The following TBC1D1 variants were observed in gnomAD, a reference collection of about 807,000 sequenced individuals.
TBC1D1 encodes the protein TBC1 (tre-2/USP6, BUB2, cdc16) domain family, member 1.
A neutral mutation model predicts 125.6 loss-of-function variants in TBC1D1; 89 were observed. The ratio of observed to expected loss-of-function variants is 0.71; its 90% confidence interval spans 0.60 to 0.85. The LOEUF is 0.85. Among genes scored for constraint, TBC1D1 ranks in the 40% least tolerant of loss-of-function variants. The pLI, the probability that TBC1D1 is intolerant of heterozygous loss-of-function variation, is 0.00. For synonymous variants in TBC1D1, 565 were observed against 564.1 expected (o/e 1.00, Z -0.02); for missense variants, 1,377 against 1,469.2 (o/e 0.94, Z 1.03).
chr4:37,894,463 A>G (rs1032162692), intron 1 of TBC1D1, among the ~76,000 whole-genome samples: 1 of 152,246 alleles, frequency 6.6e-6, no homozygotes, highest in Non-Finnish European at 1.5e-5. Context: ...AATACATTTT[A>G]GAACCAACAA....
In TBC1D1 at chr4:38,020,687, G is replaced by C. The variant is rs748001421; in HGVS notation, c.1069G>C (p.Glu357Gln). ...CTGTTACGTGTTTCAGTGCACAAAT[G>C]AGGCTCTGGTGAGAGAGGACAAGCA... Residue 357 changes from glutamate to glutamine, a missense_variant, in exon 5 of 20, where the codon GAG (glutamate) becomes CAG (glutamine). Around this residue, in one of 3 missense-constraint regions of TBC1D1, gnomAD observed 822 missense variants for 824.6 expected, o/e 1.00. Transcript: ENST00000261439. 2 of 1,611,762 alleles carry C rather than the reference G, an allele frequency of 1.2e-6. No individual in the cohort carries two copies. Among genetic ancestry groups the C allele is most frequent in the East Asian group, 4.5e-5 (2 of 44,720 alleles).
intron 2 of TBC1D1, among the ~76,000 whole-genome samples, chr4:37,934,927 C>T (rs984823692): frequency 6.6e-6 from 1 of 152,084 alleles, no homozygotes; most frequent in Non-Finnish European, 1.5e-5. Context: ...AATCTTTATT[C>T]TGTGACCCCA....
chr4:38,067,098 A>G (rs987071519), intron 12 of TBC1D1, among the ~76,000 whole-genome samples: 2 of 151,994 alleles, frequency 1.3e-5, no homozygotes, highest in South Asian at 2.1e-4. Flanking sequence ...GATGGTCTCT[A>G]TCTCTTGACT....
At chr4:38,068,000 G>T (rs1037097823) in intron 12 of TBC1D1, among the ~76,000 whole-genome samples, 1 of 152,146 alleles carries the variant, frequency 6.6e-6, no homozygotes, top group Admixed American at 6.5e-5. Flanking sequence ...CTCGCCTGAC[G>T]AGAGGTCTGG....
chr4:37,958,364 T>A (rs527382102), intron 2 of TBC1D1, among the ~76,000 whole-genome samples: 173 of 152,338 alleles, frequency 1.1e-3, no homozygotes, highest in South Asian at 5.0e-3. Flanking sequence ...ATTCTTCATA[T>A]TTTTTATTTT....
chr4:38,071,589 T>C (rs1032518674), intron 12 of TBC1D1, among the ~76,000 whole-genome samples: 5 of 152,198 alleles, frequency 3.3e-5, no homozygotes, highest in Admixed American at 1.3e-4. Flanking sequence ...CTACTTTGAT[T>C]GTGATCTGTC....
chr4:38,119,039 C>A (rs1360689092), intron 17 of TBC1D1, among the ~76,000 whole-genome samples: 1 of 152,074 alleles, frequency 6.6e-6, no homozygotes, highest in Non-Finnish European at 1.5e-5. Flanking sequence ...TTTGACAATT[C>A]AGGTTCTTTT....
chr4:37,902,111 T>A lies in TBC1D1; in HGVS notation c.16T>A (p.Phe6Ile). 1 of 1,603,688 alleles carries A rather than the reference T, an allele frequency of 6.2e-7. No homozygotes were observed. Among genetic ancestry groups the A allele is most frequent in the Non-Finnish European group, 8.5e-7 (1 of 1,175,306 alleles). The change falls in exon 2 of 20, where the codon TTC (phenylalanine) becomes ATC (isoleucine). Residue 6 changes from phenylalanine (F) to isoleucine (I), a missense_variant. Transcript: ENST00000261439. ...CCTTCCCAAGATGGAACCAATAACA[T>A]TCACAGCAAGGAAACATCTGCTTTC... is the stretch of plus-strand genomic sequence containing the variant.
intron 2 of TBC1D1, among the ~76,000 whole-genome samples, chr4:37,954,016 A>G (rs1314200557): frequency 1.3e-5 from 2 of 152,220 alleles, no homozygotes; most frequent in African/African-American, 4.8e-5. Flanking sequence ...ACTCTGGTCT[A>G]GAAAACAGAG....
At chr4:38,111,903 C>T in intron 15 of TBC1D1, 3 of 985,254 alleles carry the variant, frequency 3.0e-6, no homozygotes, top group Non-Finnish European at 3.6e-6. Flanking sequence ...CAGAGACTCA[C>T]AGCTGTTCCC....
chr4:37,965,638 C>G (rs528231592), intron 2 of TBC1D1, among the ~76,000 whole-genome samples: 1 of 152,218 alleles, frequency 6.6e-6, no homozygotes, highest in Admixed American at 6.5e-5. Flanking sequence ...CATCGGGGCT[C>G]TTGTGATATT....
chr4:37,992,695 C>T (rs1276830746), intron 2 of TBC1D1, among the ~76,000 whole-genome samples: 1 of 151,462 alleles, frequency 6.6e-6, no homozygotes, highest in Non-Finnish European at 1.5e-5. Flanking sequence ...GGGGTTTCAC[C>T]GTGTTAGCCA....
intron 2 of TBC1D1, among the ~76,000 whole-genome samples, chr4:37,904,071 G>T (rs13144468): frequency 0.076 from 11,625 of 152,224 alleles, 600 homozygotes; most frequent in East Asian, 0.22. Flanking sequence ...GGTGGCCTCA[G>T]GCAATTGAGT....
intron 8 of TBC1D1, among the ~76,000 whole-genome samples, chr4:38,043,853 G>A (rs1045593864): frequency 8.5e-5 from 13 of 152,174 alleles, no homozygotes; most frequent in African/African-American, 3.1e-4. Flanking sequence ...AGAAATTTAT[G>A]TTGTCTCACC....
At chr4:37,925,143 T>C (rs915534040) in intron 2 of TBC1D1, among the ~76,000 whole-genome samples, 8 of 152,224 alleles carry the variant, frequency 5.3e-5, no homozygotes, top group African/African-American at 1.9e-4. Context: ...CTGGGCTCCA[T>C]GCCGAGGCAC....
intron 12 of TBC1D1, among the ~76,000 whole-genome samples, chr4:38,074,766 T>C (rs201626826): frequency 8.6e-4 from 84 of 98,054 alleles, no homozygotes; most frequent in African/African-American, 2.1e-3. Flanking sequence ...CTCTCTCTCT[T>C]TTTTTTTTTT....
intron 15 of TBC1D1, among the ~76,000 whole-genome samples, chr4:38,103,918 G>T (rs1760806160): frequency 6.6e-6 from 1 of 152,102 alleles, no homozygotes. Flanking sequence ...TCAGCACTTT[G>T]GGAGGCCAAG....
At chr4:38,059,635 AT>A (rs1752400211) in intron 12 of TBC1D1, among the ~76,000 whole-genome samples, 1 of 152,230 alleles carries the variant, frequency 6.6e-6, no homozygotes, top group Admixed American at 6.5e-5. Flanking sequence ...AGGACCATTC[AT>A]TCTTGGTAAC....
In TBC1D1 at chr4:37,915,883, C is replaced by G. The variant is rs73810040; in HGVS notation, c.417+13371C>G. Among the ~76,000 whole-genome samples, 1,347 of 152,262 alleles carry G rather than the reference C, an allele frequency of 8.8e-3. 20 individuals carry two copies. Among genetic ancestry groups the G allele is most frequent in the African/African-American group, 0.03 (1,256 of 41,534 alleles). Reference sequence around the variant, plus strand: ...TGGGGTAATGGTCATCATCTCTCAGCTCTTTGGAATCTGCACCATTCTCTT... The same window carrying G: ...TGGGGTAATGGTCATCATCTCTCAGGTCTTTGGAATCTGCACCATTCTCTT... On this transcript the variant is annotated intron_variant, in intron 2 of 19. Coordinates refer to ENST00000261439, the MANE Select transcript of TBC1D1 (RefSeq NM_015173.4).
Sources: allele counts gnomAD v4.1 joint callset (sites outside exome capture counted in the v4.1 genomes callset), GRCh38; gene constraint gnomAD v4.1.1; regional missense constraint gnomAD v4.1.1; transcripts MANE v1.5; gene names NCBI Gene and HGNC (gene_info 2026-07-23, HGNC 2026-07-21).